The following C22orf42 variants were observed in gnomAD, a reference collection of about 807,000 sequenced individuals.
C22orf42 encodes the protein chromosome 22 open reading frame 42.
In C22orf42, 24 loss-of-function variants were observed where a neutral mutation model predicts 31.4. That is an observed-to-expected ratio of 0.77 (90% CI 0.55 to 1.08). C22orf42 has a LOEUF of 1.08. Ranked by LOEUF, C22orf42 falls within the 50% of genes least tolerant of loss-of-function variation. The pLI, the probability that C22orf42 is intolerant of heterozygous loss-of-function variation, is 0.00. For synonymous variants in C22orf42, 96 were observed against 112.7 expected (o/e 0.85, Z 0.94); for missense variants, 276 against 327.3 (o/e 0.84, Z 1.21).
In C22orf42 at chr22:32,159,009, C is replaced by T. The variant is rs12160688; in HGVS notation, c.207G>A (p.Thr69=). The change falls in exon 1 of 9, where the codon ACG becomes ACA. Residue 69 remains threonine (T), a synonymous_variant. Transcript: ENST00000382097. ...CTTTGGACATCTTCAGCATCTTCGGCGTCTTCGGGAGGCTGAGGTACTGCA... is the reference window on the plus strand; with the variant it reads ...CTTTGGACATCTTCAGCATCTTCGGTGTCTTCGGGAGGCTGAGGTACTGCA... ...QLMQYLSLPK[T]PKMLKMSKGL... 114,401 of 1,613,830 alleles carry T rather than the reference C, an allele frequency of 0.071. 4,372 individuals carry two copies. The highest frequency in any genetic ancestry group is 0.086 in the African/African-American group (6,464 of 74,994).
intron 1 of C22orf42, 123 bp downstream of exon 1, chr22:32,158,861 C>A: frequency 9.1e-7 from 1 of 1,094,220 alleles, no homozygotes; most frequent in Non-Finnish European, 1.4e-6. Flanking sequence ...CTGGGAAAGC[C>A]GGCTATGGGC....
In C22orf42 at chr22:32,152,114, A is replaced by C. The variant is rs1250878509; in HGVS notation, c.373-20T>G. 6.2e-7 allele frequency: 1 copy of C among 1,604,600 alleles called. No individual in the cohort carries two copies. Among genetic ancestry groups the C allele is most frequent in the East Asian group, 2.2e-5 (1 of 44,848 alleles). ...TATTTCCTGCAATAAGAGAAAAGAA[A>C]AAGAAACACCATGAGGATCAGATCA... On this transcript the variant is annotated intron_variant, in intron 3 of 8. Transcript: ENST00000382097.
chr22:32,151,973 A>G lies in C22orf42; in HGVS notation c.400+94T>C, dbSNP rs1029558409. 7.1e-6 allele frequency: 9 copies of G among 1,266,730 alleles called. No individual in the cohort carries two copies. In the Middle Eastern group the frequency reaches 5.6e-4, roughly 79 times the overall value. The allele number at this position is 1,266,730 out of a possible 1,614,324, so 78.5% of individuals were successfully genotyped here. ...AAAATGGTTGCACAACCCTGTGAAT[A>G]TAGTAAAAACGCTGAATCACTTACG... On this transcript the variant is annotated intron_variant, in intron 4 of 8. Coordinates refer to ENST00000382097, the MANE Select transcript of C22orf42 (RefSeq NM_001010859.3).
At chr22:32,152,518 A>G in intron 3 of C22orf42, 44 bp downstream of exon 3, 1 of 1,550,076 alleles carries the variant, frequency 6.5e-7, no homozygotes, top group Middle Eastern at 1.7e-4. Context: ...AGCCCCAGAA[A>G]AAACAAAAAG....
chr22:32,151,875 TGGG>T (rs1920990960), intron 4 of C22orf42, among the ~76,000 whole-genome samples, 189 bp downstream of exon 4: 1 of 67,212 alleles, frequency 1.5e-5, no homozygotes, highest in Non-Finnish European at 3.2e-5. Flanking sequence ...GTGTGGGAGT[TGGG>T]AAAGACAGAG....
upstream of C22orf42, chr22:32,160,005 A>G (rs1921504608): frequency 6.6e-6 from 1 of 152,204 alleles, no homozygotes; most frequent in East Asian, 1.9e-4. Flanking sequence ...AAAATTGAAA[A>G]CCATATAGTG....
chr22:32,153,657 A>G (rs938044753), intron 2 of C22orf42, among the ~76,000 whole-genome samples: 4 of 152,240 alleles, frequency 2.6e-5, no homozygotes, highest in Admixed American at 2.0e-4. Flanking sequence ...ATGTAGTCTT[A>G]CCATACAAGC....
rs369863050 is a variant in C22orf42, at chr22:32,149,251, C to T, written c.*289G>A. The T allele has an allele frequency of 8.3e-4, 175 of 210,424 alleles. 1 individual carries two copies. In the Middle Eastern group the frequency reaches 9.0e-3, roughly 11 times the overall value. The allele number at this position is 210,424 out of a possible 1,614,324, so 13.0% of individuals were successfully genotyped here. On this transcript the variant is annotated 3_prime_UTR_variant, in exon 9 of 9. Coordinates refer to ENST00000382097, the MANE Select transcript of C22orf42 (RefSeq NM_001010859.3). Reference sequence around the variant, plus strand: ...ATGGATTCACTGTAGAAGCTGGACCCAGCTCTTCAGATGCAGCAGATGGAT... The same window carrying T: ...ATGGATTCACTGTAGAAGCTGGACCTAGCTCTTCAGATGCAGCAGATGGAT...
chr22:32,151,966 T>A, intron 4 of C22orf42, 101 bp downstream of exon 4: 1 of 1,214,740 alleles, frequency 8.2e-7, no homozygotes. Flanking sequence ...TGCACAACCC[T>A]GTGAATATAG....
intron 1 of C22orf42, among the ~76,000 whole-genome samples, chr22:32,156,043 G>T (rs969063255): frequency 2.0e-5 from 3 of 152,176 alleles, no homozygotes; most frequent in African/African-American, 4.8e-5. Context: ...CTCTTAAAAA[G>T]AAAAAGCATT....
At chr22:32,160,075 A>G (rs5998268), upstream of C22orf42, 51,006 of 152,100 alleles carry the variant, frequency 0.34, 9,190 homozygotes, top group African/African-American at 0.48. Context: ...GCCTGACAGT[A>G]TTCCAACAGT....
chr22:32,159,461 T>A, upstream of C22orf42: 4 of 1,375,030 alleles, frequency 2.9e-6, no homozygotes, highest in Non-Finnish European at 3.8e-6. Flanking sequence ...GCCCACCTTG[T>A]GGCCACCCTG....
At chr22:32,156,831 A>G (rs1216150806) in intron 1 of C22orf42, among the ~76,000 whole-genome samples, 1 of 151,898 alleles carries the variant, frequency 6.6e-6, no homozygotes, top group Non-Finnish European at 1.5e-5. Context: ...AGGTTGTTTC[A>G]TATTTATGGA....
upstream of C22orf42, chr22:32,160,017 G>A (rs573367722): frequency 6.6e-6 from 1 of 152,300 alleles, no homozygotes; most frequent in South Asian, 2.1e-4. Flanking sequence ...CATATAGTGG[G>A]ATACCACTGT....
chr22:32,159,493 A>G (rs1468156418), upstream of C22orf42: 14 of 1,315,066 alleles, frequency 1.1e-5, no homozygotes, highest in Non-Finnish European at 1.4e-5. Flanking sequence ...TGACTGCATT[A>G]TTCATCCTGG....
chr22:32,152,186 A>C (rs1029395575), intron 3 of C22orf42, 92 bp from the exon 4 acceptor site: 164 of 1,471,750 alleles, frequency 1.1e-4, no homozygotes, highest in Non-Finnish European at 1.5e-4. Flanking sequence ...GGTGAAATAA[A>C]AAACCGGATG....
intron 1 of C22orf42, among the ~76,000 whole-genome samples, chr22:32,157,124 C>T (rs968910474): frequency 1.3e-5 from 2 of 151,950 alleles, no homozygotes; most frequent in Admixed American, 1.3e-4. Context: ...CTCTATTTAT[C>T]ACTTTATTAC....
At chr22:32,154,015 T>TCA (rs111234718) in intron 2 of C22orf42, among the ~76,000 whole-genome samples, 22,327 of 146,800 alleles carry the variant, frequency 0.15, 1,755 homozygotes, top group Admixed American at 0.23. Context: ...TGAGACCTTT[T>TCA]CACACACACA....
chr22:32,158,197 C>G (rs5998264), intron 1 of C22orf42, among the ~76,000 whole-genome samples: 10,597 of 152,032 alleles, frequency 0.07, 823 homozygotes, highest in African/African-American at 0.2. Context: ...GAGCCCTGGT[C>G]CCACTCTCGA....
Sources: allele counts gnomAD v4.1 joint callset (sites outside exome capture counted in the v4.1 genomes callset), GRCh38; gene constraint gnomAD v4.1.1; transcripts MANE v1.5; gene names NCBI Gene and HGNC (gene_info 2026-07-23, HGNC 2026-07-21).